CIC: variants seen among roughly 807,000 people sequenced by gnomAD.
The protein encoded by CIC is protein capicua homolog.
Under a neutral mutation model 115.7 loss-of-function variants are expected in CIC, and 18 were observed. The observed-to-expected ratio is 0.16, with a 90% CI of 0.11 to 0.23. The LOEUF (loss-of-function observed/expected upper bound fraction) is 0.23. Among genes scored for constraint, CIC ranks in the 10% least tolerant of loss-of-function variants. The pLI is 1.00. For missense variants in CIC, 2,000 were observed against 2,159.3 expected (o/e 0.93, Z 1.46); for synonymous variants, 1,076 against 923.0 (o/e 1.17, Z -3.01).
At chr19:42,271,583 A>G (rs564821404) in intron 1 of CIC, among the ~76,000 whole-genome samples, 191 bp from the exon 2 acceptor site, 1 of 152,268 alleles carries the variant, frequency 6.6e-6, no homozygotes, top group South Asian at 2.1e-4. Flanking sequence ...GTGTATACTC[A>G]GGGGACTCAG....
chr19:42,276,867 T>C (rs2037000456), intron 2 of CIC, among the ~76,000 whole-genome samples: 1 of 152,110 alleles, frequency 6.6e-6, no homozygotes, highest in Non-Finnish European at 1.5e-5. Flanking sequence ...TGCTGAGGCT[T>C]ACCAGAGTAG....
At chr19:42,283,112 G>A (rs892698265) in intron 2 of CIC, among the ~76,000 whole-genome samples, 30 of 152,150 alleles carry the variant, frequency 2.0e-4, no homozygotes, top group Admixed American at 1.7e-3. Context: ...GGTGGGGTCG[G>A]TATGATGGTG....
rs2036881757 is a variant in CIC, at chr19:42,274,132, G to A, written c.2349G>A (p.Leu783=). ...FSRSRQPSPL[L]LLPPPAGLTS... Reference sequence around the variant, plus strand: ...GCTCCCGCCAGCCCTCACCATTGCTGCTGTTGCCACCCCCTGCCGGCCTGA... The same window carrying A: ...GCTCCCGCCAGCCCTCACCATTGCTACTGTTGCCACCCCCTGCCGGCCTGA... Residue 783 remains leucine (L), a synonymous_variant, in exon 2 of 21, where the codon CTG becomes CTA. Transcript: ENST00000681038. The A allele has an allele frequency of 1.0e-5, 4 of 400,322 alleles. No homozygotes were observed. The highest frequency in any genetic ancestry group is 1.8e-5 in the Non-Finnish European group (4 of 227,164). 24.8% of individuals were successfully genotyped at this position (400,322 alleles called of 1,614,324 possible).
At position 42,291,058 on chromosome 19, in the gene CIC, C is replaced by T. The variant is rs747511886; in HGVS notation, c.5017C>T (p.Leu1673=). The T allele has an allele frequency of 7.4e-6, 12 of 1,613,972 alleles. No homozygotes were observed. The highest frequency in any genetic ancestry group is 1.0e-5 in the Non-Finnish European group (12 of 1,179,960). The change falls in exon 11 of 21, where the codon CTG becomes TTG. Residue 1673 remains leucine, a synonymous_variant. Coordinates refer to ENST00000681038, the MANE Select transcript of CIC (RefSeq NM_001386298.1). ...GKAPATVTNL[L]VGTPGYGAPA... is the part of the protein sequence containing the mutation. ...GGCGCCTGCCACTGTCACTAACCTACTGGTGGGCACCCCGGGGTATGGGGC... is the reference window on the plus strand; with the variant it reads ...GGCGCCTGCCACTGTCACTAACCTATTGGTGGGCACCCCGGGGTATGGGGC...
At position 42,272,182 on chromosome 19, in the gene CIC, G is replaced by A. The variant is rs561981610; in HGVS notation, c.399G>A (p.Val133=). The part of the protein sequence containing the change: ...VEEHGAGSSG[V]AGAPEERVRT... ...AGCACGGAGCTGGCAGCAGTGGGGT[G>A]GCTGGGGCCCCTGAAGAGCGGGTGC... Residue 133 remains valine, a synonymous_variant, in exon 2 of 21, where the codon GTG becomes GTA. Coordinates refer to ENST00000681038, the MANE Select transcript of CIC (RefSeq NM_001386298.1). 2 of 398,914 alleles carry A rather than the reference G, an allele frequency of 5.0e-6. No individual in the cohort carries two copies. The highest frequency in any genetic ancestry group is 8.8e-6 in the Non-Finnish European group (2 of 226,366). 24.7% of individuals were successfully genotyped at this position (398,914 alleles called of 1,614,324 possible). A position where few individuals can be genotyped will look rare whatever the true frequency, so the allele number is the denominator to read the frequency against.
chr19:42,271,791 C>T lies in CIC; in HGVS notation c.8C>T (p.Pro3Leu), dbSNP rs2036799404. 2.5e-6 allele frequency: 1 copy of T among 398,732 alleles called. No individual in the cohort carries two copies. Among genetic ancestry groups the T allele is most frequent in the East Asian group, 3.6e-5 (1 of 28,074 alleles). 24.7% of individuals were successfully genotyped at this position (398,732 alleles called of 1,614,324 possible). The change falls in exon 2 of 21, where the codon CCA becomes CTA. Residue 3 changes from proline (P) to leucine (L), a missense_variant. By Grantham distance (98) the Pro-to-Leu change is moderately conservative. Coordinates refer to ENST00000681038, the MANE Select transcript of CIC (RefSeq NM_001386298.1). The part of the protein sequence containing the change: MK[P>L]MKKACTGLSG... The stretch of plus-strand genomic sequence containing the variant: ...CCCTGCAGGTGGACAAAAATGAAGC[C>T]AATGAAGAAGGCATGCACTGGCCTT...
chr19:42,285,145 G>C (rs1316347154), intron 2 of CIC, among the ~76,000 whole-genome samples: 5 of 152,106 alleles, frequency 3.3e-5, no homozygotes, highest in Admixed American at 2.6e-4. Flanking sequence ...CTCAGGAAGC[G>C]AGTGAGGCAC....
chr19:42,275,494 G>C (rs898694754), intron 2 of CIC, among the ~76,000 whole-genome samples: 2 of 152,128 alleles, frequency 1.3e-5, no homozygotes, highest in African/African-American at 4.8e-5. Context: ...GCCTAGGAGG[G>C]GAAGAGGGAA....
chr19:42,294,641 T>C lies in CIC; in HGVS notation c.7092T>C (p.Tyr2364=), dbSNP rs2038386086. Residue 2364 remains tyrosine (Y), a synonymous_variant, in exon 20 of 21, where the codon TAT becomes TAC. Transcript: ENST00000681038. ...EAEDVLGELE[Y]DKVPYSSLRR... ...AGGACGTGCTTGGGGAGCTAGAGTA[T>C]GACAAGGTGCCATACTCCTCCCTGC... The C allele has an allele frequency of 4.3e-6, 7 of 1,613,716 alleles. No homozygotes were observed. Among genetic ancestry groups the C allele is most frequent in the South Asian group, 2.2e-5 (2 of 91,084 alleles).
At chr19:42,286,600 G>T (rs2037661265) in intron 2 of CIC, among the ~76,000 whole-genome samples, 171 bp from the exon 3 acceptor site, 1 of 151,196 alleles carries the variant, frequency 6.6e-6, no homozygotes, top group Non-Finnish European at 1.5e-5. Context: ...AACCTTTCAG[G>T]GAGGAGTTTT....
chr19:42,280,260 A>G lies in CIC; in HGVS notation c.2794+5683A>G, dbSNP rs1476197143. ...AAAAGCTGATTGTGAAGCCAGATAG[A>G]TTTGGGTTCAAATCCCGGCCGTGCC... On this transcript the variant is annotated intron_variant, in intron 2 of 20. Coordinates refer to ENST00000681038, the MANE Select transcript of CIC (RefSeq NM_001386298.1). The surrounding 1 kb of genome is among the most constrained non-coding windows in gnomAD (Gnocchi z 4.9). 6.6e-6 allele frequency: 1 copy of G among 151,972 alleles called. No homozygotes were observed. Among genetic ancestry groups the G allele is most frequent in the Non-Finnish European group, 1.5e-5 (1 of 67,996 alleles). The allele number at this position is 151,972 out of a possible 1,614,324, so 9.4% of individuals were successfully genotyped here. A position where few individuals can be genotyped will look rare whatever the true frequency, so the allele number is the denominator to read the frequency against.
chr19:42,295,146 C>G lies in CIC; in HGVS notation c.7509C>G (p.Pro2503=). The part of the protein sequence containing the change: ...GQPGWEGAPQ[P]SPPPPGPSTA... ...CTGGCTGGGAGGGGGCTCCCCAGCC[C>G]TCCCCCCCACCCCCAGGTCCCTCCA... Residue 2503 remains proline, a synonymous_variant, in exon 21 of 21, where the codon CCC becomes CCG. Coordinates refer to ENST00000681038, the MANE Select transcript of CIC (RefSeq NM_001386298.1). 6 of 914,244 alleles carry G rather than the reference C, an allele frequency of 6.6e-6. No individual in the cohort carries two copies. The highest frequency in any genetic ancestry group is 6.4e-6 in the Non-Finnish European group (4 of 622,086). The allele number at this position is 914,244 out of a possible 1,614,324, so 56.6% of individuals were successfully genotyped here. A position where few individuals can be genotyped will look rare whatever the true frequency, so the allele number is the denominator to read the frequency against.
In CIC at chr19:42,286,949, C is replaced by G. The variant is rs765620400; in HGVS notation, c.2944+29C>G. Reference sequence around the variant, plus strand: ...AGGGCTGGTGGGGACTGGGGGGAGGCAAGGGTGTGGGGTCCAGGTGGCCTA... The same window carrying G: ...AGGGCTGGTGGGGACTGGGGGGAGGGAAGGGTGTGGGGTCCAGGTGGCCTA... On this transcript the variant is annotated intron_variant, in intron 3 of 20. Coordinates refer to ENST00000681038, the MANE Select transcript of CIC (RefSeq NM_001386298.1). 25 of 1,608,568 alleles carry G rather than the reference C, an allele frequency of 1.6e-5. No homozygotes were observed. In the Middle Eastern group the frequency reaches 1.5e-3, roughly 97 times the overall value.
At chr19:42,288,224 C>T (rs998146804) in intron 7 of CIC, among the ~76,000 whole-genome samples, 2 of 152,218 alleles carry the variant, frequency 1.3e-5, no homozygotes, top group South Asian at 4.1e-4. Context: ...TACTATGTGC[C>T]TGGCACTACA....
At chr19:42,286,244 A>G (rs1346233644) in intron 2 of CIC, among the ~76,000 whole-genome samples, 1 of 151,850 alleles carries the variant, frequency 6.6e-6, no homozygotes, top group Non-Finnish European at 1.5e-5. Flanking sequence ...GTTGTAAGAG[A>G]CCCCACAGCC....
intron 7 of CIC, among the ~76,000 whole-genome samples, 193 bp downstream of exon 7, chr19:42,288,168 A>G (rs2037795112): frequency 6.6e-6 from 1 of 152,246 alleles, no homozygotes; most frequent in South Asian, 2.1e-4. Context: ...AGATACTAAG[A>G]TTCCCAAACA....
rs749834581 is a variant in CIC, at chr19:42,287,260, G to T, written c.3179+20G>T. 1 of 1,614,024 alleles carries T rather than the reference G, an allele frequency of 6.2e-7. No individual in the cohort carries two copies. Among genetic ancestry groups the T allele is most frequent in the Non-Finnish European group, 8.5e-7 (1 of 1,179,984 alleles). Reference sequence around the variant, plus strand: ...TGATGCGTGAGTTCCCTGAGGCCTGGGACTTGGGGGTGGGATGGCCAGAGA... The same window carrying T: ...TGATGCGTGAGTTCCCTGAGGCCTGTGACTTGGGGGTGGGATGGCCAGAGA... On this transcript the variant is annotated intron_variant, in intron 4 of 20. Coordinates refer to ENST00000681038, the MANE Select transcript of CIC (RefSeq NM_001386298.1). The surrounding 1 kb of genome is among the most constrained non-coding windows in gnomAD (Gnocchi z 8.7).
intron 7 of CIC, 83 bp downstream of exon 7, chr19:42,288,058 C>T: frequency 1.4e-6 from 2 of 1,459,906 alleles, no homozygotes; most frequent in South Asian, 2.4e-5. Context: ...TCCTCCCCTG[C>T]CCCAGCAGCT....
In CIC at chr19:42,292,285, C is replaced by T. The variant is rs748013243; in HGVS notation, c.5736-15C>T. On this transcript the variant is annotated splice_polypyrimidine_tract_variant and intron_variant, in intron 13 of 20. Transcript: ENST00000681038. ...CGGCTTACCTCACTCCTCCCCATTT[C>T]CTCTCCTGCGGCAGAATCACCTATG... The T allele has an allele frequency of 4.2e-5, 67 of 1,613,328 alleles. 1 individual carries two copies. The South Asian group carries it at 5.8e-4, about 14-fold the overall frequency.
Sources: allele counts gnomAD v4.1 joint callset (sites outside exome capture counted in the v4.1 genomes callset), GRCh38; gene constraint gnomAD v4.1.1; non-coding constraint Gnocchi (gnomAD v3.1); transcripts MANE v1.5; gene names NCBI Gene and HGNC (gene_info 2026-07-23, HGNC 2026-07-21).